Variants in CNTNAP2 observed in about 807,000 individuals in gnomAD.
CNTNAP2 encodes the protein contactin associated protein 2.
Under a neutral mutation model 155.2 loss-of-function variants are expected in CNTNAP2, and 98 were observed. That is an observed-to-expected ratio of 0.63 (90% confidence interval 0.54 to 0.75). The LOEUF is 0.75. CNTNAP2 is among the 30% of genes least tolerant of loss of function. CNTNAP2 has a pLI of 0.00. For synonymous variants in CNTNAP2, 651 were observed against 631.2 expected (o/e 1.03, Z -0.47); for missense variants, 1,727 against 1,688.1 (o/e 1.02, Z -0.40).
intron 1 of CNTNAP2, among the ~76,000 whole-genome samples, chr7:146,357,081 G>A (rs1057093655): frequency 9.9e-5 from 15 of 152,078 alleles, no homozygotes; most frequent in African/African-American, 3.6e-4. Context: ...TTAGAACATG[G>A]TTTGCCTAAA....
At chr7:146,478,887 A>G (rs1437876130) in intron 1 of CNTNAP2, among the ~76,000 whole-genome samples, 1 of 152,140 alleles carries the variant, frequency 6.6e-6, no homozygotes, top group African/African-American at 2.4e-5. Context: ...ATAATATGTA[A>G]ATTAAAGATG....
At chr7:147,864,165 C>A (rs1799185218) in intron 13 of CNTNAP2, among the ~76,000 whole-genome samples, 1 of 152,138 alleles carries the variant, frequency 6.6e-6, no homozygotes, top group African/African-American at 2.4e-5. Context: ...GTTTTCCCAG[C>A]ACCATTTATT....
chr7:146,585,372 C>T (rs772993938), intron 1 of CNTNAP2, among the ~76,000 whole-genome samples: 40 of 151,916 alleles, frequency 2.6e-4, no homozygotes, highest in Non-Finnish European at 4.7e-4. Context: ...CACCCACCTC[C>T]GCCTCCCAAA....
At chr7:146,577,467 C>G (rs1451189514) in intron 1 of CNTNAP2, among the ~76,000 whole-genome samples, 1 of 152,028 alleles carries the variant, frequency 6.6e-6, no homozygotes, top group Non-Finnish European at 1.5e-5. Flanking sequence ...TAATAATTAT[C>G]AAGAATCCAA....
At chr7:146,729,992 G>A (rs1585063206) in intron 1 of CNTNAP2, among the ~76,000 whole-genome samples, 2 of 152,128 alleles carry the variant, frequency 1.3e-5, no homozygotes, top group East Asian at 3.9e-4. Context: ...AGTCACAAAA[G>A]AATGGCTCTG....
At chr7:147,473,680 A>G (rs1798266895) in intron 10 of CNTNAP2, among the ~76,000 whole-genome samples, 3 of 152,210 alleles carry the variant, frequency 2.0e-5, no homozygotes, top group Admixed American at 6.5e-5. Flanking sequence ...TTTCAGAAAT[A>G]TTCTATTCAC....
intron 3 of CNTNAP2, among the ~76,000 whole-genome samples, chr7:146,885,954 T>C (rs2129210418): frequency 6.6e-6 from 1 of 151,020 alleles, no homozygotes; most frequent in East Asian, 1.9e-4. Context: ...TGTGTGTGTG[T>C]GTGTGTGTGT....
Position 146,980,019 on chromosome 7 carries a change from A to G in CNTNAP2, c.403-63888A>G, listed in dbSNP as rs1584763399. On this transcript the variant is annotated intron_variant, in intron 3 of 23. Transcript: ENST00000361727. ...AACCTGATAAATGTAACCTTTTTCC[A>G]GGTGGATGTCCTAGTTGGTTAGTGA... is the stretch of plus-strand genomic sequence containing the variant. Among the ~76,000 whole-genome samples, 4 of 152,308 alleles carry G rather than the reference A, an allele frequency of 2.6e-5. No individual in the cohort carries two copies. In the South Asian group the frequency reaches 8.3e-4, roughly 32 times the overall value.
rs758534162 is a variant in CNTNAP2 at position 148,123,631 on chromosome 7, AGCAG to A, written c.2554+5345_2554+5348del. ...GAAGGAAGGGAGACAAGGAAGGGAG[AGCAG>A]GAAGGAAGGAAGGAAGGAAGGAAGG... On this transcript the variant is annotated intron_variant, in intron 16 of 23. Transcript: ENST00000361727. Among the ~76,000 whole-genome samples the A allele has an allele frequency of 3.9e-3, 371 of 95,426 alleles. 3 individuals are homozygous for A. Among genetic ancestry groups the A allele is most frequent in the African/African-American group, 0.015 (347 of 23,158 alleles). The allele number at this position is 95,426 out of a possible 152,430, so 62.6% of individuals were successfully genotyped here. A position where few individuals can be genotyped will look rare whatever the true frequency, so the allele number is the denominator to read the frequency against.
In CNTNAP2 at chr7:148,383,784, A is replaced by G. The variant is rs1799127241; in HGVS notation, c.3611A>G (p.His1204Arg). The change falls in exon 22 of 24, where the codon CAC (histidine) becomes CGC (arginine). Residue 1204 changes from histidine (H) to arginine (R), a missense_variant. Coordinates refer to ENST00000361727, the MANE Select transcript of CNTNAP2 (RefSeq NM_014141.6). ...LRQTNASAHV[H>R]IQGELVESNC... The stretch of plus-strand genomic sequence containing the variant: ...CAGACAAACGCCTCGGCTCACGTCC[A>G]CATCCAGGGCGAGCTGGTGGAGTCC... The G allele has an allele frequency of 6.2e-7, 1 of 1,614,206 alleles. No homozygotes were observed. The highest frequency in any genetic ancestry group is 8.5e-7 in the Non-Finnish European group (1 of 1,180,036).
Position 147,983,791 on chromosome 7 carries a change from GAGGTCA to G in CNTNAP2, c.2383+5807_2383+5812del, listed in dbSNP as rs565242918. ...ATCTGGGTTAAGATAAGGGGTTGTG[GAGGTCA>G]AGGTACTTATTATGTAGATGAAGTC... On this transcript the variant is annotated intron_variant, in intron 15 of 23. Transcript: ENST00000361727. 1.9e-3 allele frequency among the ~76,000 whole-genome samples: 289 copies of G among 152,286 alleles called. 11 individuals are homozygous for G. The South Asian group carries it at 0.056, about 29-fold the overall frequency.
At chr7:147,144,990 G>C (rs546234599) in intron 8 of CNTNAP2, among the ~76,000 whole-genome samples, 2 of 152,232 alleles carry the variant, frequency 1.3e-5, no homozygotes, top group South Asian at 4.1e-4. Context: ...GTCTCCATTT[G>C]CCACGTTTGA....
At chr7:147,144,096 C>A (rs905731749) in intron 8 of CNTNAP2, among the ~76,000 whole-genome samples, 1 of 152,068 alleles carries the variant, frequency 6.6e-6, no homozygotes, top group Non-Finnish European at 1.5e-5. Flanking sequence ...CAGTTCTACA[C>A]GATTAAAACA....
Position 146,484,436 on chromosome 7 carries a change from A to T in CNTNAP2, c.98-289835A>T, listed in dbSNP as rs12111957. Among the ~76,000 whole-genome samples, 1,182 of 152,186 alleles carry T rather than the reference A, an allele frequency of 7.8e-3. 21 individuals carry two copies. The highest frequency in any genetic ancestry group is 0.027 in the African/African-American group (1,129 of 41,528). ...ACAAAATAAATAGCATTCAGGATCT[A>T]CCTCCTTTAGGTGTGAGATTTTGTT... is the stretch of plus-strand genomic sequence containing the variant. On this transcript the variant is annotated intron_variant, in intron 1 of 23. Transcript: ENST00000361727.
At chr7:147,828,955 C>A (rs116042768) in intron 13 of CNTNAP2, among the ~76,000 whole-genome samples, 1 of 152,162 alleles carries the variant, frequency 6.6e-6, no homozygotes, top group Non-Finnish European at 1.5e-5. Context: ...GCACATAGCA[C>A]TCTGCTAGGC....
chr7:146,365,421 C>A (rs561840857), intron 1 of CNTNAP2, among the ~76,000 whole-genome samples: 9 of 152,254 alleles, frequency 5.9e-5, no homozygotes, highest in African/African-American at 2.2e-4. Context: ...TCCAGGATGG[C>A]AAACTCCAAT....
At chr7:146,646,200 T>C (rs545433231) in intron 1 of CNTNAP2, among the ~76,000 whole-genome samples, 3 of 152,272 alleles carry the variant, frequency 2.0e-5, no homozygotes, top group African/African-American at 7.2e-5. Flanking sequence ...AAAATCCTCC[T>C]TTTAGAAAAT....
In CNTNAP2 at chr7:146,324,777, T is replaced by TTA. The variant is rs149639520; in HGVS notation, c.97+207818_97+207819dup. On this transcript the variant is annotated intron_variant, in intron 1 of 23. Transcript: ENST00000361727. ...GGCTACAAAAATATTGGAAGAGTAA[T>TTA]TATATATATATATATGTGCTGATAT... is the stretch of plus-strand genomic sequence containing the variant. Among the ~76,000 whole-genome samples, 1,360 of 150,506 alleles carry TTA rather than the reference T, an allele frequency of 9.0e-3. 17 individuals carry two copies. Among genetic ancestry groups the TTA allele is most frequent in the African/African-American group, 0.026 (1,083 of 40,944 alleles).
intron 21 of CNTNAP2, among the ~76,000 whole-genome samples, chr7:148,355,511 T>C (rs1177952): frequency 0.3 from 45,655 of 152,096 alleles, 7,606 homozygotes; most frequent in Non-Finnish European, 0.39. Context: ...TCCCACCCAG[T>C]ACATCACCTT....
Sources: allele counts gnomAD v4.1 joint callset (sites outside exome capture counted in the v4.1 genomes callset), GRCh38; gene constraint gnomAD v4.1.1; transcripts MANE v1.5; gene names NCBI Gene and HGNC (gene_info 2026-07-23, HGNC 2026-07-21).